The following ULK4 variants were observed in gnomAD, a reference collection of about 807,000 sequenced individuals.
ULK4 encodes inactive serine/threonine-protein kinase ULK4.
ULK4 carries 133 observed loss-of-function variants against 160.6 expected under a neutral mutation model. The observed-to-expected ratio is 0.83, with a 90% CI of 0.72 to 0.96. The LOEUF is 0.96. ULK4 is among the 40% of genes least tolerant of loss of function. The pLI is 0.00. For missense variants in ULK4, 1,580 were observed against 1,499.5 expected (o/e 1.05, Z -0.89); for synonymous variants, 534 against 539.8 (o/e 0.99, Z 0.15).
chr3:41,930,219 A>G (rs1390844891), intron 5 of ULK4, among the ~76,000 whole-genome samples: 2 of 152,050 alleles, frequency 1.3e-5, no homozygotes, highest in Non-Finnish European at 2.9e-5. Flanking sequence ...TGACAAAAAC[A>G]AGCAATGGGG....
chr3:41,631,827 G>A (rs1035288041), intron 30 of ULK4, among the ~76,000 whole-genome samples: 1 of 152,016 alleles, frequency 6.6e-6, no homozygotes, highest in Non-Finnish European at 1.5e-5. Context: ...TTCCAACCCT[G>A]GTTGCTATGA....
At chr3:41,464,130 T>C (rs1484807602) in intron 32 of ULK4, among the ~76,000 whole-genome samples, 1 of 152,122 alleles carries the variant, frequency 6.6e-6, no homozygotes, top group Non-Finnish European at 1.5e-5. Context: ...AATCTATTTG[T>C]CCCTACTCCA....
intron 17 of ULK4, among the ~76,000 whole-genome samples, chr3:41,840,384 TCCCCC>T (rs1422100672): frequency 1.1e-4 from 17 of 152,128 alleles, no homozygotes; most frequent in African/African-American, 3.6e-4. Flanking sequence ...CCTCTCCCTC[TCCCCC>T]TTTCTTTCTT....
chr3:41,793,999 A>C (rs1035066095), intron 20 of ULK4, among the ~76,000 whole-genome samples: 3 of 152,198 alleles, frequency 2.0e-5, no homozygotes, highest in Admixed American at 2.0e-4. Flanking sequence ...AGCATGTTAA[A>C]ATAGAGATTA....
chr3:41,674,460 T>C (rs1270864667), intron 29 of ULK4, among the ~76,000 whole-genome samples: 1 of 152,172 alleles, frequency 6.6e-6, no homozygotes, highest in Non-Finnish European at 1.5e-5. Context: ...TCACGGTAAT[T>C]TTCTGAGTAT....
intron 22 of ULK4, among the ~76,000 whole-genome samples, chr3:41,746,027 T>G: frequency 6.7e-6 from 1 of 150,034 alleles, no homozygotes; most frequent in Non-Finnish European, 1.5e-5. Flanking sequence ...ATAAAGAATA[T>G]CTACAAAAAA....
At chr3:41,643,746 G>C (rs1457048764) in intron 30 of ULK4, among the ~76,000 whole-genome samples, 1 of 152,176 alleles carries the variant, frequency 6.6e-6, no homozygotes, top group Admixed American at 6.5e-5. Flanking sequence ...TTGGTAGCTT[G>C]ATGGGGATGG....
intron 34 of ULK4, among the ~76,000 whole-genome samples, chr3:41,434,567 AATT>A (rs2125849999): frequency 6.6e-6 from 1 of 152,262 alleles, no homozygotes; most frequent in South Asian, 2.1e-4. Flanking sequence ...GGGCATATAT[AATT>A]ATTACTTTTA....
chr3:41,306,413 G>T (rs1273465938), intron 35 of ULK4, among the ~76,000 whole-genome samples: 2 of 142,706 alleles, frequency 1.4e-5, no homozygotes, highest in African/African-American at 5.7e-5. Context: ...CTGCCCGGCC[G>T]CCCCTACTGG....
intron 31 of ULK4, among the ~76,000 whole-genome samples, chr3:41,569,035 T>C (rs1206213872): frequency 6.6e-6 from 1 of 152,146 alleles, no homozygotes; most frequent in African/African-American, 2.4e-5. Context: ...ACAAAAGACA[T>C]GGATGGAGAG....
At chr3:41,469,342 A>G (rs1329152866) in intron 32 of ULK4, among the ~76,000 whole-genome samples, 1 of 152,058 alleles carries the variant, frequency 6.6e-6, no homozygotes, top group Admixed American at 6.6e-5. Flanking sequence ...CTGTTCAACT[A>G]CTGAACTCAA....
intron 16 of ULK4, among the ~76,000 whole-genome samples, chr3:41,892,778 C>A (rs1042469467): frequency 6.6e-6 from 1 of 152,198 alleles, no homozygotes; most frequent in Non-Finnish European, 1.5e-5. Flanking sequence ...AGACACCAGA[C>A]CCCCTCACCC....
In ULK4 at chr3:41,435,614, T is replaced by C. The variant is rs970649087; in HGVS notation, c.3492+19883A>G. Among the ~76,000 whole-genome samples the C allele has an allele frequency of 2.6e-5, 4 of 152,178 alleles. No individual in the cohort carries two copies. The East Asian group carries it at 7.7e-4, about 29-fold the overall frequency. ...CTTTTGGACCCAAGTGAAACTTTAA[T>C]AGTAGGAAAATGGAAAATGCATGTA... On this transcript the variant is annotated intron_variant, in intron 34 of 36. Coordinates refer to ENST00000301831, the MANE Select transcript of ULK4 (RefSeq NM_017886.4).
At chr3:41,597,336 A>C (rs1559422110) in intron 31 of ULK4, among the ~76,000 whole-genome samples, 1 of 152,202 alleles carries the variant, frequency 6.6e-6, no homozygotes, top group Non-Finnish European at 1.5e-5. Flanking sequence ...CAAGGGAGAT[A>C]CATTGGTGGC....
intron 35 of ULK4, among the ~76,000 whole-genome samples, chr3:41,369,431 C>T (rs1213564432): frequency 6.6e-6 from 1 of 151,182 alleles, no homozygotes; most frequent in East Asian, 2.0e-4. Context: ...GAGGTCAAGG[C>T]TGCAGTAAGC....
intron 35 of ULK4, among the ~76,000 whole-genome samples, chr3:41,327,479 T>A (rs998483427): frequency 6.6e-6 from 1 of 152,142 alleles, no homozygotes; most frequent in Non-Finnish European, 1.5e-5. Flanking sequence ...TTCTCTGTAG[T>A]TTCCAGAGCC....
At chr3:41,697,445 C>T (rs2036538333) in intron 27 of ULK4, among the ~76,000 whole-genome samples, 1 of 151,862 alleles carries the variant, frequency 6.6e-6, no homozygotes, top group South Asian at 2.1e-4. Flanking sequence ...TAGAAAAAAG[C>T]TTATCAAATA....
intron 32 of ULK4, among the ~76,000 whole-genome samples, chr3:41,500,207 C>T (rs1171116101): frequency 2.0e-5 from 3 of 147,686 alleles, no homozygotes; most frequent in East Asian, 2.0e-4. Flanking sequence ...TATTTTCTTC[C>T]TTCTACTTCC....
rs533883403 is a variant in ULK4, at chr3:41,386,307, C to A, written c.3678+11772G>T. 7.2e-5 allele frequency among the ~76,000 whole-genome samples: 11 copies of A among 152,192 alleles called. No homozygotes were observed. The East Asian group carries it at 2.1e-3, about 29-fold the overall frequency. On this transcript the variant is annotated intron_variant, in intron 35 of 36. Coordinates refer to ENST00000301831, the MANE Select transcript of ULK4 (RefSeq NM_017886.4). ...ATTCACCCACCCTAATTTTCAAACACCAGATCACTTTTTCAAGGTGTTATT... is the reference window on the plus strand; with the variant it reads ...ATTCACCCACCCTAATTTTCAAACAACAGATCACTTTTTCAAGGTGTTATT...
Sources: gnomAD v4.1 joint callset for allele counts (sites outside exome capture counted in the v4.1 genomes callset) on GRCh38, gnomAD v4.1.1 for gene constraint, MANE v1.5 for transcripts, NCBI Gene and HGNC (gene_info 2026-07-23, HGNC 2026-07-21) for gene names.